Variants in MED21 observed in about 807,000 individuals in gnomAD.
MED21 encodes mediator of RNA polymerase II transcription subunit 21.
A neutral mutation model predicts 18.2 loss-of-function variants in MED21; 9 were observed. The observed-to-expected ratio is 0.49, with a 90% confidence interval of 0.30 to 0.86. MED21 has a LOEUF of 0.86. Ranked by LOEUF, MED21 falls within the 40% of genes least tolerant of loss-of-function variation. MED21 has a pLI of 0.07. For synonymous variants in MED21, 73 were observed against 60.5 expected, an observed-to-expected ratio of 1.21 and a Z score of -0.96; for missense variants, 150 against 170.9, an observed-to-expected ratio of 0.88 and a Z score of 0.68.
chr12:27,026,403 G>C lies in MED21; in HGVS notation c.43-17G>C, dbSNP rs1475949401. The C allele has an allele frequency of 6.4e-7, 1 of 1,558,598 alleles. No individual in the cohort carries two copies. The highest frequency in any genetic ancestry group is 8.8e-7 in the Non-Finnish European group (1 of 1,132,330). On this transcript the variant is annotated splice_polypyrimidine_tract_variant and intron_variant, in intron 1 of 3. Coordinates refer to ENST00000282892, the MANE Select transcript of MED21 (RefSeq NM_004264.5). ...GATAAGTCCTTTCTAACCTTGATAT[G>C]TTTTCTTTGGCCTAAGCTTGCAGAT...
chr12:27,029,414 A>G lies in MED21; in HGVS notation c.*953A>G, dbSNP rs370727991. ...CTTGGATCTCTTTGAGTCTACTGAT[A>G]ATCTCCACTGGAAAGGTGGAATTGA... On this transcript the variant is annotated 3_prime_UTR_variant, in exon 4 of 4. Transcript: ENST00000282892. 2 of 985,302 alleles carry G rather than the reference A, an allele frequency of 2.0e-6. No homozygotes were observed. The highest frequency in any genetic ancestry group is 1.1e-4 in the East Asian group (1 of 8,836). 61.0% of individuals were successfully genotyped at this position (985,302 alleles called of 1,614,324 possible). A position where few individuals can be genotyped will look rare whatever the true frequency, so the allele number is the denominator to read the frequency against.
downstream of MED21, among the ~76,000 whole-genome samples, chr12:27,034,831 A>G (rs1591795093): frequency 6.6e-6 from 1 of 151,266 alleles, no homozygotes; most frequent in African/African-American, 2.4e-5. Flanking sequence ...GCTCACTGCA[A>G]CCTCCGTCTC....
At chr12:27,024,208 G>A (rs1941514132) in intron 1 of MED21, among the ~76,000 whole-genome samples, 1 of 152,034 alleles carries the variant, frequency 6.6e-6, no homozygotes, top group South Asian at 2.1e-4. Context: ...GTTTCTCATT[G>A]TCTGATTGTG....
In MED21 at chr12:27,029,104, A is replaced by G. The variant is rs956095555; in HGVS notation, c.*643A>G. On this transcript the variant is annotated 3_prime_UTR_variant, in exon 4 of 4. Transcript: ENST00000282892. The stretch of plus-strand genomic sequence containing the variant: ...CTGGCTGTTGTGAAAGAATTTTTCT[A>G]CATCCTGAACTATTTTTCCTATTTC... 6 of 985,396 alleles carry G rather than the reference A, an allele frequency of 6.1e-6. No individual in the cohort carries two copies. The highest frequency in any genetic ancestry group is 7.2e-6 in the Non-Finnish European group (6 of 829,920). The allele number at this position is 985,396 out of a possible 1,614,324, so 61.0% of individuals were successfully genotyped here.
At position 27,029,458 on chromosome 12, in the gene MED21, A is replaced by T. The variant is rs1941587780; in HGVS notation, c.*997A>T. The T allele has an allele frequency of 1.6e-5, 16 of 985,462 alleles. No individual in the cohort carries two copies. The highest frequency in any genetic ancestry group is 1.9e-5 in the Non-Finnish European group (16 of 829,938). The allele number at this position is 985,462 out of a possible 1,614,324, so 61.0% of individuals were successfully genotyped here. ...GAATTGAAATGTGGTCCACATTTTAACTAGCTATTTCCTGGGGCTGTATTT... is the reference window on the plus strand; with the variant it reads ...GAATTGAAATGTGGTCCACATTTTATCTAGCTATTTCCTGGGGCTGTATTT... On this transcript the variant is annotated 3_prime_UTR_variant, in exon 4 of 4. Coordinates refer to ENST00000282892, the MANE Select transcript of MED21 (RefSeq NM_004264.5).
chr12:27,030,286 C>A lies in MED21; in HGVS notation c.*1825C>A. On this transcript the variant is annotated 3_prime_UTR_variant, in exon 4 of 4. Transcript: ENST00000282892. ...CTGGGACTACAGGCATGTACTACCA[C>A]GTCCAGCTAATTTTTTTTTTCTTTT... 3.9e-6 allele frequency: 2 copies of A among 506,764 alleles called. No homozygotes were observed. Among genetic ancestry groups the A allele is most frequent in the Non-Finnish European group, 3.5e-6 (1 of 281,888 alleles). 31.4% of individuals were successfully genotyped at this position (506,764 alleles called of 1,614,324 possible).
intron 1 of MED21, among the ~76,000 whole-genome samples, chr12:27,025,697 A>G (rs1941535355): frequency 6.6e-6 from 1 of 152,212 alleles, no homozygotes; most frequent in Non-Finnish European, 1.5e-5. Context: ...TCTGTCATTG[A>G]AACAATGGCA....
intron 1 of MED21, 137 bp downstream of exon 1, chr12:27,022,758 GGA>G (rs1941488340): frequency 1.7e-5 from 26 of 1,549,804 alleles, no homozygotes; most frequent in Non-Finnish European, 2.2e-5. Flanking sequence ...CGCTCTCTCG[GGA>G]GGCGCCACCG....
chr12:27,027,325 A>G, intron 2 of MED21, 22 bp from the exon 3 acceptor site: 1 of 1,553,284 alleles, frequency 6.4e-7, no homozygotes, highest in Non-Finnish European at 8.8e-7. Context: ...TAATATCCTA[A>G]TCTAGCAGTA....
chr12:27,028,774 TTTG>T lies in MED21; in HGVS notation c.*318_*320del. 9.8e-7 allele frequency: 1 copy of T among 1,022,960 alleles called. No individual in the cohort carries two copies. Among genetic ancestry groups the T allele is most frequent in the African/African-American group, 1.7e-5 (1 of 58,820 alleles). 63.4% of individuals were successfully genotyped at this position (1,022,960 alleles called of 1,614,324 possible). A position where few individuals can be genotyped will look rare whatever the true frequency, so the allele number is the denominator to read the frequency against. ...GTTATGACATAATTTATGTCTCCATTTTGTTGTATTGGCCAGTACTTTTACAAA... is the reference window on the plus strand; with the variant it reads ...GTTATGACATAATTTATGTCTCCATTTTGTATTGGCCAGTACTTTTACAAA... On this transcript the variant is annotated 3_prime_UTR_variant, in exon 4 of 4. Transcript: ENST00000282892.
At chr12:27,037,944 G>A (rs1289313765) in intron 2 of MED21, 1 of 152,150 alleles carries the variant, frequency 6.6e-6, no homozygotes, top group African/African-American at 2.4e-5. Flanking sequence ...CTTGGCAGAG[G>A]AGAAACAGCA....
At chr12:27,034,245 G>A (rs891811705), downstream of MED21, among the ~76,000 whole-genome samples, 7 of 152,028 alleles carry the variant, frequency 4.6e-5, no homozygotes, top group Admixed American at 6.5e-5. Flanking sequence ...GAGAAACCCC[G>A]TCTCTACTAA....
rs531477088 is a variant in MED21 at position 27,029,212 on chromosome 12, C to T, written c.*751C>T. The stretch of plus-strand genomic sequence containing the variant: ...TTTGAATCATCAATTCTTTCTCATT[C>T]TCCATTTATCTGAAGGTTCTTTTGC... On this transcript the variant is annotated 3_prime_UTR_variant, in exon 4 of 4. Transcript: ENST00000282892. 20 of 985,310 alleles carry T rather than the reference C, an allele frequency of 2.0e-5. No homozygotes were observed. The African/African-American group carries it at 3.3e-4, about 16-fold the overall frequency. 61.0% of individuals were successfully genotyped at this position (985,310 alleles called of 1,614,324 possible).
In MED21 at chr12:27,029,525, TTC is replaced by T. The variant is rs1190121065; in HGVS notation, c.*1065_*1066del. On this transcript the variant is annotated 3_prime_UTR_variant, in exon 4 of 4. Coordinates refer to ENST00000282892, the MANE Select transcript of MED21 (RefSeq NM_004264.5). The stretch of plus-strand genomic sequence containing the variant: ...CTACATTTGCTGCAATCTGTTGCTA[TTC>T]AGAGTTTAAGTTTCAGGAGAAAACA... 44 of 985,328 alleles carry T rather than the reference TTC, an allele frequency of 4.5e-5. No homozygotes were observed. Among genetic ancestry groups the T allele is most frequent in the Non-Finnish European group, 5.1e-5 (42 of 829,944 alleles). The allele number at this position is 985,328 out of a possible 1,614,324, so 61.0% of individuals were successfully genotyped here.
chr12:27,028,011 G>A (rs116955649), intron 3 of MED21, among the ~76,000 whole-genome samples: 4,562 of 152,258 alleles, frequency 0.03, 93 homozygotes, highest in Middle Eastern at 0.082. Flanking sequence ...AAGAATGAGA[G>A]GAGGGTGGCA....
intron 1 of MED21, among the ~76,000 whole-genome samples, chr12:27,023,301 T>TTTTTTTC (rs1565479037): frequency 1.9e-4 from 1 of 5,402 alleles, no homozygotes; most frequent in Non-Finnish European, 1.3e-3. Flanking sequence ...TTTTCTTTTC[T>TTTTTTTC]TTTTTTTTTT....
chr12:27,034,422 CA>C (rs1344785939), downstream of MED21, among the ~76,000 whole-genome samples: 1 of 150,802 alleles, frequency 6.6e-6, no homozygotes, highest in African/African-American at 2.4e-5. Flanking sequence ...AACTCCGTCT[CA>C]AAAAAAAAGT....
At chr12:27,034,631 G>A (rs768491211), downstream of MED21, among the ~76,000 whole-genome samples, 10 of 152,002 alleles carry the variant, frequency 6.6e-5, no homozygotes, top group Non-Finnish European at 1.0e-4. Flanking sequence ...AGTAGAGATG[G>A]GGTTTTGCAG....
chr12:27,022,641 T>G lies in MED21; in HGVS notation c.42+20T>G. ...AATTCGGTGAGGAATTTCATTCGATTAGCCTCTGTCTTTCTCTTTCTTGAG... is the reference window on the plus strand; with the variant it reads ...AATTCGGTGAGGAATTTCATTCGATGAGCCTCTGTCTTTCTCTTTCTTGAG... On this transcript the variant is annotated intron_variant, in intron 1 of 3. Transcript: ENST00000282892. The G allele has an allele frequency of 6.2e-7, 1 of 1,604,308 alleles. No individual in the cohort carries two copies. The highest frequency in any genetic ancestry group is 8.5e-7 in the Non-Finnish European group (1 of 1,173,178).
Sources: allele counts gnomAD v4.1 joint callset (sites outside exome capture counted in the v4.1 genomes callset), GRCh38; gene constraint gnomAD v4.1.1; transcripts MANE v1.5; gene names NCBI Gene and HGNC (gene_info 2026-07-23, HGNC 2026-07-21).